Variants in MACROD2 observed in about 807,000 individuals in gnomAD.
MACROD2 encodes mono-ADP ribosylhydrolase 2.
Under a neutral mutation model 70.4 loss-of-function variants are expected in MACROD2, and 36 were observed. The observed-to-expected ratio is 0.51, with a 90% CI of 0.39 to 0.68. The LOEUF (loss-of-function observed/expected upper bound fraction) is 0.68, where lower values mean the gene tolerates loss of function less well. Ranked by LOEUF, MACROD2 falls within the 30% of genes least tolerant of loss-of-function variation. The pLI, the probability that MACROD2 is intolerant of heterozygous loss-of-function variation, is 0.00. For synonymous variants in MACROD2, 172 were observed against 178.8 expected (o/e 0.96, Z 0.30); for missense variants, 496 against 538.4 (o/e 0.92, Z 0.78).
chr20:16,036,547 C>T (rs2067239206), intron 15 of MACROD2, among the ~76,000 whole-genome samples: 1 of 151,870 alleles, frequency 6.6e-6, no homozygotes, highest in Non-Finnish European at 1.5e-5. Context: ...CTGGAATGTA[C>T]CTCTTGTTTG....
At chr20:15,970,760 A>G (rs1362774704) in intron 13 of MACROD2, among the ~76,000 whole-genome samples, 7 of 152,184 alleles carry the variant, frequency 4.6e-5, no homozygotes, top group African/African-American at 4.8e-5. Context: ...TAGGAACACT[A>G]GAAAAGATCT....
intron 5 of MACROD2, among the ~76,000 whole-genome samples, chr20:15,098,223 T>C (rs393205): frequency 2.0e-5 from 3 of 152,028 alleles, no homozygotes; most frequent in Non-Finnish European, 4.4e-5. Flanking sequence ...CTGAAATTAT[T>C]AATTTTTGAA....
rs567625867 is a variant in MACROD2, at chr20:15,683,632, G to A, written c.646-179113G>A. ...CTCACTCTGTCGCTGAGGCTGGAGT[G>A]TAGTGGCACAATCTCTGCTCACTGC... On this transcript the variant is annotated intron_variant, in intron 8 of 17. Transcript: ENST00000684519. Among the ~76,000 whole-genome samples, 16 of 152,234 alleles carry A rather than the reference G, an allele frequency of 1.1e-4. No homozygotes were observed. The South Asian group carries it at 2.7e-3, about 26-fold the overall frequency.
intron 12 of MACROD2, among the ~76,000 whole-genome samples, chr20:15,964,375 C>A (rs1361856230): frequency 3.3e-5 from 5 of 152,056 alleles, no homozygotes; most frequent in Admixed American, 6.6e-5. Context: ...TTTCTGGTTC[C>A]TTCTAACTGT....
intron 12 of MACROD2, among the ~76,000 whole-genome samples, chr20:15,953,012 C>A (rs1051986086): frequency 2.6e-5 from 4 of 151,980 alleles, no homozygotes; most frequent in Admixed American, 2.0e-4. Context: ...TAAACATACA[C>A]AATGGAATAT....
At chr20:15,178,653 T>C (rs1257016087) in intron 5 of MACROD2, among the ~76,000 whole-genome samples, 3 of 152,188 alleles carry the variant, frequency 2.0e-5, no homozygotes, top group African/African-American at 7.2e-5. Flanking sequence ...CCAATCTCTG[T>C]GTCCTGCACC....
At chr20:14,127,823 A>C (rs1306996592) in intron 3 of MACROD2, 1 of 462,192 alleles carries the variant, frequency 2.2e-6, no homozygotes, top group Non-Finnish European at 4.3e-6. Flanking sequence ...AGAAGGAGAA[A>C]AAACAGCAAT....
At chr20:14,446,242 A>G (rs1398516959) in intron 3 of MACROD2, among the ~76,000 whole-genome samples, 8 of 152,086 alleles carry the variant, frequency 5.3e-5, no homozygotes, top group Non-Finnish European at 1.2e-4. Context: ...AATAGTATAA[A>G]TAATAAATAT....
At chr20:15,509,416 T>C (rs2047470395) in intron 8 of MACROD2, among the ~76,000 whole-genome samples, 1 of 151,994 alleles carries the variant, frequency 6.6e-6, no homozygotes, top group Non-Finnish European at 1.5e-5. Context: ...AACTTCAGGG[T>C]GCAGGTATTA....
At chr20:14,623,284 G>A (rs1983939606) in intron 4 of MACROD2, among the ~76,000 whole-genome samples, 1 of 152,038 alleles carries the variant, frequency 6.6e-6, no homozygotes, top group Non-Finnish European at 1.5e-5. Flanking sequence ...GCTATGGAAG[G>A]AAGCTCAAAG....
At chr20:15,353,300 A>G (rs1318642099) in intron 6 of MACROD2, among the ~76,000 whole-genome samples, 2 of 152,240 alleles carry the variant, frequency 1.3e-5, no homozygotes, top group African/African-American at 4.8e-5. Context: ...GGCTAGCCAT[A>G]TGTAGAAAGC....
chr20:15,346,611 A>G (rs1429645060), intron 6 of MACROD2, among the ~76,000 whole-genome samples: 1 of 152,140 alleles, frequency 6.6e-6, no homozygotes, highest in Non-Finnish European at 1.5e-5. Context: ...CGGGGGAAGG[A>G]GGAGGTCACA....
rs972923618 is a variant in MACROD2 at position 16,052,185 on chromosome 20, G to T, written c.*2309G>T. On this transcript the variant is annotated 3_prime_UTR_variant, in exon 18 of 18. Coordinates refer to ENST00000684519, the MANE Select transcript of MACROD2 (RefSeq NM_001351661.2). ...TCATTTTTGCTTTGTCATGCTTTTT[G>T]GTTGTTATTTGGCTATACAGTTTTA... is the stretch of plus-strand genomic sequence containing the variant. The T allele has an allele frequency of 5.9e-5, 9 of 152,166 alleles. No homozygotes were observed. Among genetic ancestry groups the T allele is most frequent in the African/African-American group, 2.2e-4 (9 of 41,522 alleles). 9.4% of individuals were successfully genotyped at this position (152,166 alleles called of 1,614,324 possible).
chr20:15,993,231 A>AGTGT (rs2066581648), intron 15 of MACROD2, among the ~76,000 whole-genome samples: 1 of 98,018 alleles, frequency 1.0e-5, no homozygotes, highest in African/African-American at 4.0e-5. Context: ...GAGAATTTGA[A>AGTGT]GAGTGTGTGT....
chr20:15,049,478 AT>A, intron 5 of MACROD2, among the ~76,000 whole-genome samples: 1 of 152,314 alleles, frequency 6.6e-6, no homozygotes, highest in African/African-American at 2.4e-5. Flanking sequence ...AAAAAAATCA[AT>A]ATATGTATGA....
intron 8 of MACROD2, among the ~76,000 whole-genome samples, chr20:15,738,785 T>TGG (rs1332470714): frequency 6.6e-6 from 1 of 152,004 alleles, no homozygotes; most frequent in Non-Finnish European, 1.5e-5. Flanking sequence ...AAGTGGATCT[T>TGG]GGGGTCAAGC....
intron 10 of MACROD2, among the ~76,000 whole-genome samples, chr20:15,905,204 C>T (rs1463797959): frequency 1.3e-4 from 20 of 152,082 alleles, no homozygotes; most frequent in Admixed American, 1.3e-3. Context: ...CCAAGTGGGC[C>T]TCTGAGAACA....
intron 5 of MACROD2, among the ~76,000 whole-genome samples, chr20:15,205,387 A>ATT (rs73615569): frequency 5.4e-5 from 8 of 148,172 alleles, no homozygotes; most frequent in Admixed American, 1.4e-4. Flanking sequence ...AGGGGCTTCT[A>ATT]TTTTTTTTTT....
At chr20:14,450,081 A>G (rs779287629) in intron 3 of MACROD2, among the ~76,000 whole-genome samples, 1 of 152,134 alleles carries the variant, frequency 6.6e-6, no homozygotes, top group Non-Finnish European at 1.5e-5. Flanking sequence ...ATTATAAAAA[A>G]CAAAAAAGAC....
Sources: gnomAD v4.1 joint callset for allele counts (sites outside exome capture counted in the v4.1 genomes callset) on GRCh38, gnomAD v4.1.1 for gene constraint, MANE v1.5 for transcripts, NCBI Gene and HGNC (gene_info 2026-07-23, HGNC 2026-07-21) for gene names.